The following EFCAB8 variants were observed in gnomAD, a reference collection of about 807,000 sequenced individuals.
The protein encoded by EFCAB8 is EF-hand calcium-binding domain-containing protein 8.
In EFCAB8, 100 loss-of-function variants were observed where a neutral mutation model predicts 116.3. That is an observed-to-expected ratio of 0.86 (90% CI 0.73 to 1.02). EFCAB8 has a LOEUF of 1.02. EFCAB8 is among the 50% of genes least tolerant of loss of function. The pLI, the probability that EFCAB8 is intolerant of heterozygous loss-of-function variation, is 0.00. For missense variants in EFCAB8, 1,320 were observed against 1,416.9 expected (o/e 0.93, Z 1.10); for synonymous variants, 558 against 567.9 (o/e 0.98, Z 0.25).
intron 11 of EFCAB8, 144 bp downstream of exon 11, chr20:32,898,767 C>T (rs1332942037): frequency 3.3e-5 from 20 of 606,148 alleles, no homozygotes; most frequent in East Asian, 8.3e-5. Flanking sequence ...AGCAGCAGCA[C>T]GGTGAGAACA....
intron 7 of EFCAB8, 44 bp from the exon 8 acceptor site, chr20:32,892,169 A>C (rs1268052815): frequency 1.3e-6 from 2 of 1,519,230 alleles, no homozygotes; most frequent in Admixed American, 3.9e-5. Context: ...AAGACCTCCC[A>C]GGCATGGCTG....
intron 9 of EFCAB8, among the ~76,000 whole-genome samples, chr20:32,893,828 A>G (rs1986032635): frequency 6.6e-6 from 1 of 152,052 alleles, no homozygotes; most frequent in African/African-American, 2.4e-5. Flanking sequence ...CTTTGCATGC[A>G]TCACCTCCCA....
chr20:32,908,435 G>A, intron 14 of EFCAB8, 23 bp downstream of exon 14: 1 of 1,249,934 alleles, frequency 8.0e-7, no homozygotes, highest in South Asian at 4.1e-5. Context: ...CCAGGAGGGA[G>A]TGGGGTCAAG....
At chr20:32,875,005 T>A (rs570580976) in intron 3 of EFCAB8, among the ~76,000 whole-genome samples, 1 of 152,338 alleles carries the variant, frequency 6.6e-6, no homozygotes, top group East Asian at 1.9e-4. Context: ...CGCCTCTGCC[T>A]CCCAGAGTGC....
chr20:32,957,441 T>C (rs1030782202), intron 23 of EFCAB8, among the ~76,000 whole-genome samples: 1 of 152,136 alleles, frequency 6.6e-6, no homozygotes, highest in African/African-American at 2.4e-5. Context: ...CTCCATCCAG[T>C]TGGGGATTGA....
intron 4 of EFCAB8, among the ~76,000 whole-genome samples, chr20:32,876,513 A>G (rs1383368091): frequency 6.6e-6 from 1 of 152,278 alleles, no homozygotes; most frequent in South Asian, 2.1e-4. Flanking sequence ...GGGAATATAC[A>G]GCTTTTTAAG....
intron 22 of EFCAB8, among the ~76,000 whole-genome samples, chr20:32,935,567 C>T (rs558742189): frequency 3.0e-4 from 45 of 150,358 alleles, no homozygotes; most frequent in Middle Eastern, 7.2e-3. Context: ...AGTGCAATGG[C>T]GCAATTGCAG....
rs371211466 is a variant in EFCAB8 at position 32,908,240 on chromosome 20, C to T, written c.1309-35C>T. 1.5e-3 allele frequency: 1,839 copies of T among 1,249,230 alleles called. 39 individuals carry two copies. Among genetic ancestry groups the T allele is most frequent in the Middle Eastern group, 3.5e-3 (17 of 4,842 alleles). 77.4% of individuals were successfully genotyped at this position (1,249,230 alleles called of 1,614,324 possible). A position where few individuals can be genotyped will look rare whatever the true frequency, so the allele number is the denominator to read the frequency against. On this transcript the variant is annotated intron_variant, in intron 13 of 26. Transcript: ENST00000400522. ...AGGAGCCGGCTACATCCCCGAGACCCATGCTCAGCGTCTTGCCTTTTTCCC... is the reference window on the plus strand; with the variant it reads ...AGGAGCCGGCTACATCCCCGAGACCTATGCTCAGCGTCTTGCCTTTTTCCC...
At chr20:32,879,855 G>A (rs535037792) in intron 5 of EFCAB8, among the ~76,000 whole-genome samples, 49 of 152,200 alleles carry the variant, frequency 3.2e-4, no homozygotes, top group African/African-American at 1.1e-3. Flanking sequence ...AGTATGCTGC[G>A]GTGCCCTATT....
At position 32,912,864 on chromosome 20, in the gene EFCAB8, T is replaced by G. The variant is rs1359870439; in HGVS notation, c.1856T>G (p.Leu619Arg). ...TGWSKRITHF[L>R]FHKTKPVLLC... ...TGGAGTAAGAGAATCACTCATTTCC[T>G]GTGAGTAGAAAGCATGTATGGTGAG... Residue 619 changes from leucine to arginine, a missense_variant and splice_region_variant, in exon 17 of 27, where the codon CTG becomes CGG. Physicochemically the swap from Leu to Arg is moderately radical, Grantham distance 102 (BLOSUM62 -2). Transcript: ENST00000400522. 4.2e-6 allele frequency: 3 copies of G among 718,940 alleles called. No individual in the cohort carries two copies. The highest frequency in any genetic ancestry group is 7.8e-6 in the Non-Finnish European group (3 of 385,138). 44.5% of individuals were successfully genotyped at this position (718,940 alleles called of 1,614,324 possible).
intron 5 of EFCAB8, among the ~76,000 whole-genome samples, chr20:32,885,172 G>A (rs1270352734): frequency 6.6e-6 from 1 of 152,144 alleles, no homozygotes; most frequent in Non-Finnish European, 1.5e-5. Context: ...GAAGCTTTGC[G>A]AACAACCTCC....
intron 11 of EFCAB8, among the ~76,000 whole-genome samples, chr20:32,904,180 A>G (rs1381634405): frequency 6.6e-6 from 1 of 150,990 alleles, no homozygotes; most frequent in Non-Finnish European, 1.5e-5. Flanking sequence ...TTTTGTACAG[A>G]TGGGATCTTG....
At chr20:32,908,234 G>A (rs377698672) in intron 13 of EFCAB8, 41 bp from the exon 14 acceptor site, 464 of 1,248,536 alleles carry the variant, frequency 3.7e-4, no homozygotes, top group Non-Finnish European at 4.5e-4. Context: ...CTACATCCCC[G>A]AGACCCATGC....
intron 19 of EFCAB8, among the ~76,000 whole-genome samples, 161 bp downstream of exon 19, chr20:32,918,735 C>T (rs1452841583): frequency 6.6e-6 from 1 of 152,198 alleles, no homozygotes; most frequent in Non-Finnish European, 1.5e-5. Flanking sequence ...GGGCAGGGCA[C>T]CCTCTGGTTT....
At chr20:32,911,209 T>C (rs898075432) in intron 15 of EFCAB8, among the ~76,000 whole-genome samples, 6 of 152,208 alleles carry the variant, frequency 3.9e-5, no homozygotes, top group Non-Finnish European at 8.8e-5. Context: ...CTTTTCCATA[T>C]AGGGATTATT....
intron 13 of EFCAB8, among the ~76,000 whole-genome samples, chr20:32,907,383 C>T (rs966390996): frequency 3.3e-5 from 5 of 152,238 alleles, no homozygotes; most frequent in Non-Finnish European, 5.9e-5. Context: ...TCGATCTGCA[C>T]CTCTCAGTTG....
At chr20:32,961,053 C>T (rs1422793486) in intron 26 of EFCAB8, 83 bp from the exon 27 acceptor site, 1 of 1,273,424 alleles carries the variant, frequency 7.9e-7, no homozygotes, top group East Asian at 2.5e-5. Flanking sequence ...AGGGCGCCTC[C>T]TTCCTGTGAG....
intron 11 of EFCAB8, among the ~76,000 whole-genome samples, chr20:32,899,569 GT>G (rs908983904): frequency 1.3e-5 from 2 of 151,524 alleles, no homozygotes; most frequent in African/African-American, 4.9e-5. Flanking sequence ...ACCACTTCTG[GT>G]TTTTTTTCTT....
intron 23 of EFCAB8, among the ~76,000 whole-genome samples, chr20:32,944,319 G>A (rs565105742): frequency 1.3e-3 from 194 of 152,128 alleles, no homozygotes; most frequent in African/African-American, 4.5e-3. Context: ...ACAAAAATTA[G>A]CCAGGCATGG....
Sources: gnomAD v4.1 joint callset for allele counts (sites outside exome capture counted in the v4.1 genomes callset) on GRCh38, gnomAD v4.1.1 for gene constraint, MANE v1.5 for transcripts, NCBI Gene and HGNC (gene_info 2026-07-23, HGNC 2026-07-21) for gene names.